The following NUDT21 variants were observed in gnomAD, a reference collection of about 807,000 sequenced individuals.
NUDT21 encodes cleavage and polyadenylation specificity factor subunit 5.
Under a neutral mutation model 29.8 loss-of-function variants are expected in NUDT21, and 5 were observed. The ratio of observed to expected loss-of-function variants is 0.17; its 90% CI spans 0.09 to 0.35. The LOEUF (loss-of-function observed/expected upper bound fraction) is 0.35, where lower values mean the gene tolerates loss of function less well. Among genes scored for constraint, NUDT21 ranks in the 10% least tolerant of loss-of-function variants. The pLI is 1.00. For missense variants in NUDT21, 76 were observed against 276.0 expected (o/e 0.28, Z 5.13); for synonymous variants, 113 against 98.5 (o/e 1.15, Z -0.87).
intron 6 of NUDT21, 23 bp from the exon 7 acceptor site, chr16:56,432,756 C>T: frequency 1.3e-6 from 2 of 1,562,920 alleles, no homozygotes; most frequent in Non-Finnish European, 8.8e-7. Context: ...AAGAACAATA[C>T]CTTTATTAAA....
Position 56,430,949 on chromosome 16 carries a change from C to CTCG in NUDT21, c.*1760_*1762dup. On this transcript the variant is annotated 3_prime_UTR_variant, in exon 7 of 7. Coordinates refer to ENST00000300291, the MANE Select transcript of NUDT21 (RefSeq NM_007006.3). The stretch of plus-strand genomic sequence containing the variant: ...TTAAGTTACAAAGAACATGAGTGGC[C>CTCG]TCGAATCAGATGACTCTTCAACTCA... 6.6e-6 allele frequency: 1 copy of CTCG among 152,282 alleles called. No homozygotes were observed. The highest frequency in any genetic ancestry group is 1.9e-4 in the East Asian group (1 of 5,176). The allele number at this position is 152,282 out of a possible 1,614,324, so 9.4% of individuals were successfully genotyped here.
intron 4 of NUDT21, among the ~76,000 whole-genome samples, chr16:56,435,751 A>ATATATG (rs1233143089): frequency 1.3e-4 from 8 of 63,166 alleles, no homozygotes; most frequent in African/African-American, 5.4e-4. Flanking sequence ...AATTATATAT[A>ATATATG]TATATATATA....
intron 4 of NUDT21, 102 bp from the exon 5 acceptor site, chr16:56,434,931 A>T: frequency 2.8e-6 from 2 of 704,166 alleles, no homozygotes; most frequent in South Asian, 3.7e-5. Context: ...GAAGCATACT[A>T]CTTTCTGTCC....
chr16:56,448,044 G>T, intron 1 of NUDT21, 55 bp from the exon 2 acceptor site: 1 of 1,472,456 alleles, frequency 6.8e-7, no homozygotes, highest in Non-Finnish European at 9.4e-7. Flanking sequence ...AATTTACCAT[G>T]ACAGACATTA....
intron 4 of NUDT21, among the ~76,000 whole-genome samples, chr16:56,437,256 T>C (rs918963550): frequency 6.6e-6 from 1 of 152,148 alleles, no homozygotes; most frequent in Admixed American, 6.6e-5. Flanking sequence ...ACCTGAAACA[T>C]CTTGTCATGT....
In NUDT21 at chr16:56,430,886, G is replaced by C. The variant is rs745895678; in HGVS notation, c.*1826C>G. 42 of 152,246 alleles carry C rather than the reference G, an allele frequency of 2.8e-4. No homozygotes were observed. The highest frequency in any genetic ancestry group is 4.7e-4 in the Non-Finnish European group (32 of 68,048). 9.4% of individuals were successfully genotyped at this position (152,246 alleles called of 1,614,324 possible). On this transcript the variant is annotated 3_prime_UTR_variant, in exon 7 of 7. Coordinates refer to ENST00000300291, the MANE Select transcript of NUDT21 (RefSeq NM_007006.3). ...CGTACTTACTGTATATTGGGAAGAA[G>C]TGAAGAAGTGAGAAGTGAAGAATTT... is the stretch of plus-strand genomic sequence containing the variant.
chr16:56,434,420 G>A lies in NUDT21; in HGVS notation c.573C>T (p.Tyr191=), dbSNP rs762158434. The A allele has an allele frequency of 2.5e-6, 4 of 1,612,364 alleles. No homozygotes were observed. Among genetic ancestry groups the A allele is most frequent in the Non-Finnish European group, 3.4e-6 (4 of 1,178,490 alleles). Residue 191 remains tyrosine, a synonymous_variant, in exon 6 of 7, where the codon TAC becomes TAT. Transcript: ENST00000300291. ...CAAACAATGGTGCAGCTACCAGCTT[G>A]TAATTTTTAGGGACTGCAAACAAGG... The part of the protein sequence containing the change: ...EKALFAVPKN[Y]KLVAAPLFEL...
chr16:56,441,953 G>C (rs183746652), intron 3 of NUDT21, among the ~76,000 whole-genome samples: 1 of 152,042 alleles, frequency 6.6e-6, no homozygotes, highest in East Asian at 1.9e-4. Context: ...GCAATGGCGC[G>C]ATCTCCACTC....
intron 2 of NUDT21, 43 bp downstream of exon 2, chr16:56,447,746 C>T (rs1229013761): frequency 1.9e-6 from 3 of 1,562,240 alleles, no homozygotes; most frequent in Non-Finnish European, 2.6e-6. Context: ...AAACAGCAAT[C>T]CTACTAAAAA....
At chr16:56,436,821 C>G (rs1475549362) in intron 4 of NUDT21, among the ~76,000 whole-genome samples, 2 of 150,456 alleles carry the variant, frequency 1.3e-5, no homozygotes, top group Non-Finnish European at 3.0e-5. Context: ...ATACTCTAGG[C>G]TTCCTAAATA....
chr16:56,440,811 T>C (rs1431598994), intron 3 of NUDT21, among the ~76,000 whole-genome samples: 1 of 152,166 alleles, frequency 6.6e-6, no homozygotes, highest in African/African-American at 2.4e-5. Context: ...CAATATCGGC[T>C]CACTGCAACC....
At chr16:56,450,750 A>G (rs761486621) in intron 1 of NUDT21, among the ~76,000 whole-genome samples, 18 of 152,250 alleles carry the variant, frequency 1.2e-4, no homozygotes, top group South Asian at 2.1e-4. Flanking sequence ...GCGAAAGCAT[A>G]AACAATTCAC....
At chr16:56,445,491 C>T (rs1405072886) in intron 3 of NUDT21, among the ~76,000 whole-genome samples, 1 of 152,066 alleles carries the variant, frequency 6.6e-6, no homozygotes, top group African/African-American at 2.4e-5. Context: ...CTATAGTCAC[C>T]CTGTTGTGCT....
At chr16:56,436,886 T>C (rs1567538205) in intron 4 of NUDT21, among the ~76,000 whole-genome samples, 1 of 152,188 alleles carries the variant, frequency 6.6e-6, no homozygotes, top group Non-Finnish European at 1.5e-5. Flanking sequence ...TAGGCCTTAC[T>C]GAATGAAGAG....
chr16:56,450,875 G>A (rs1962298054), intron 1 of NUDT21, among the ~76,000 whole-genome samples: 3 of 152,200 alleles, frequency 2.0e-5, no homozygotes, highest in South Asian at 4.1e-4. Flanking sequence ...CATAGGATGG[G>A]AACAAGCCTT....
At chr16:56,439,793 C>T (rs1962140849) in intron 3 of NUDT21, 47 bp from the exon 4 acceptor site, 1 of 1,421,378 alleles carries the variant, frequency 7.0e-7, no homozygotes, top group African/African-American at 1.4e-5. Context: ...TATGTACTCA[C>T]AAATCCCCTT....
chr16:56,435,743 T>TTATATATATATATATA lies in NUDT21; in HGVS notation c.472-930_472-915dup, dbSNP rs777245596. On this transcript the variant is annotated intron_variant, in intron 4 of 6. Transcript: ENST00000300291. ...TCTGTCTCCCAAAAAAAAAAAAAAATTATATATATATATATATATATATAT... is the reference window on the plus strand; with the variant it reads ...TCTGTCTCCCAAAAAAAAAAAAAAATTATATATATATATATATATATATATATATATATATATATAT... 3.9e-3 allele frequency among the ~76,000 whole-genome samples: 106 copies of TTATATATATATATATA among 27,036 alleles called. 15 individuals carry two copies. Among genetic ancestry groups the TTATATATATATATATA allele is most frequent in the Non-Finnish European group, 4.7e-3 (72 of 15,188 alleles). 17.7% of individuals were successfully genotyped at this position (27,036 alleles called of 152,430 possible).
At chr16:56,450,385 C>T (rs1232091975) in intron 1 of NUDT21, among the ~76,000 whole-genome samples, 1 of 152,178 alleles carries the variant, frequency 6.6e-6, no homozygotes, top group Non-Finnish European at 1.5e-5. Flanking sequence ...ACACAGCCCA[C>T]AATGGGTTTT....
chr16:56,447,170 A>G (rs1962229070), intron 2 of NUDT21: 1 of 159,866 alleles, frequency 6.3e-6, no homozygotes, highest in South Asian at 1.8e-4. Context: ...TATATAACAT[A>G]GCACAAACAT....
Sources: gnomAD v4.1 joint callset for allele counts (sites outside exome capture counted in the v4.1 genomes callset) on GRCh38, gnomAD v4.1.1 for gene constraint, MANE v1.5 for transcripts, NCBI Gene and HGNC (gene_info 2026-07-23, HGNC 2026-07-21) for gene names.